Variants in TMEM30A observed in about 807,000 individuals in gnomAD.
TMEM30A encodes the protein cell cycle control protein 50A.
A neutral mutation model predicts 38.2 loss-of-function variants in TMEM30A; 24 were observed. That is an observed-to-expected ratio of 0.63 (90% CI 0.46 to 0.88). The LOEUF is 0.88. Among genes scored for constraint, TMEM30A ranks in the 40% least tolerant of loss-of-function variants. TMEM30A has a pLI of 0.00. For synonymous variants in TMEM30A, 145 were observed against 161.6 expected, an observed-to-expected ratio of 0.90 and a Z score of 0.78; for missense variants, 370 against 458.6, an observed-to-expected ratio of 0.81 and a Z score of 1.77.
In TMEM30A at chr6:75,284,477, G is replaced by T; in HGVS notation, c.162C>A (p.Phe54Leu). The change falls in exon 1 of 7, where the codon TTC (phenylalanine) becomes TTA (leucine). Residue 54 changes from phenylalanine to leucine, a missense_variant. Coordinates refer to ENST00000230461, the MANE Select transcript of TMEM30A (RefSeq NM_018247.4). ...GAATGAAGATGAGACCGATGATGAA[G>T]AAAATAGGTAGCACCGTGCCAGCCG... Reference protein sequence around the residue: ...ILTAGTVLPIFFIIGLIFIPI... With the variant: ...ILTAGTVLPILFIIGLIFIPI... The T allele has an allele frequency of 6.2e-7, 1 of 1,613,344 alleles. No homozygotes were observed. The highest frequency in any genetic ancestry group is 8.5e-7 in the Non-Finnish European group (1 of 1,179,636).
At position 75,258,897 on chromosome 6, in the gene TMEM30A, C is replaced by T. The variant is rs1193490004; in HGVS notation, c.775G>A (p.Val259Ile). 4.3e-6 allele frequency: 7 copies of T among 1,613,806 alleles called. No homozygotes were observed. Among genetic ancestry groups the T allele is most frequent in the Non-Finnish European group, 8.5e-7 (1 of 1,179,924 alleles). Residue 259 changes from valine to isoleucine, a missense_variant, in exon 6 of 7, where the codon GTT becomes ATT. By Grantham distance (29) the Val-to-Ile change is conservative. Transcript: ENST00000230461. ...GGTAATGCTGCAGTACGCATCCAAA[C>T]AATAAAATCCTCATTTATGAATCCA... ...NNGFINEDFI[V>I]WMRTAALPTF...
At chr6:75,278,048 AC>A (rs1772291480) in intron 1 of TMEM30A, among the ~76,000 whole-genome samples, 1 of 152,234 alleles carries the variant, frequency 6.6e-6, no homozygotes, top group Admixed American at 6.5e-5. Context: ...TACTCCTATA[AC>A]TTTTTTTTTA....
intron 1 of TMEM30A, among the ~76,000 whole-genome samples, chr6:75,270,687 C>T (rs866368168): frequency 1.1e-4 from 16 of 152,290 alleles, no homozygotes; most frequent in Middle Eastern, 6.8e-3. Context: ...AGGTATCACC[C>T]AGCTGATTAA....
At chr6:75,265,689 G>A (rs1285440581) in intron 2 of TMEM30A, among the ~76,000 whole-genome samples, 2 of 150,118 alleles carry the variant, frequency 1.3e-5, no homozygotes, top group African/African-American at 4.9e-5. Context: ...AGTTAGCATC[G>A]ACTTTTCACA....
chr6:75,274,655 G>A (rs554096945), intron 1 of TMEM30A, among the ~76,000 whole-genome samples: 1 of 152,198 alleles, frequency 6.6e-6, no homozygotes, highest in African/African-American at 2.4e-5. Flanking sequence ...CAGGGTTTCT[G>A]GCATGAAAAA....
chr6:75,264,349 C>T (rs1265644903), intron 3 of TMEM30A, among the ~76,000 whole-genome samples: 1 of 152,130 alleles, frequency 6.6e-6, no homozygotes, highest in Non-Finnish European at 1.5e-5. Flanking sequence ...ACATAAAATA[C>T]TTAGGGCCGG....
rs931173505 is a variant in TMEM30A at position 75,255,188 on chromosome 6, G to A, written c.*914C>T. ...CTTACCTGCAGAATAAAAACAGCCT[G>A]AGTATTTCCAAAGCTGAAGTAATTT... On this transcript the variant is annotated 3_prime_UTR_variant, in exon 7 of 7. Transcript: ENST00000230461. 1.3e-5 allele frequency: 2 copies of A among 152,522 alleles called. No homozygotes were observed. The highest frequency in any genetic ancestry group is 4.8e-5 in the African/African-American group (2 of 41,432). The allele number at this position is 152,522 out of a possible 1,614,324, so 9.4% of individuals were successfully genotyped here. A position where few individuals can be genotyped will look rare whatever the true frequency, so the allele number is the denominator to read the frequency against.
intron 6 of TMEM30A, 85 bp downstream of exon 6, chr6:75,258,695 G>A (rs981123642): frequency 7.4e-6 from 9 of 1,213,188 alleles, no homozygotes; most frequent in South Asian, 1.4e-5. Flanking sequence ...TAAAGCACAA[G>A]GTAACATGCC....
intron 3 of TMEM30A, among the ~76,000 whole-genome samples, chr6:75,263,763 A>G (rs1486208274): frequency 6.6e-6 from 1 of 152,224 alleles, no homozygotes; most frequent in African/African-American, 2.4e-5. Context: ...GCCAGATTGT[A>G]CAGGGCCTTA....
In TMEM30A at chr6:75,256,025, A is replaced by G. The variant is rs1322615276; in HGVS notation, c.*77T>C. 6 of 1,015,442 alleles carry G rather than the reference A, an allele frequency of 5.9e-6. No homozygotes were observed. The highest frequency in any genetic ancestry group is 5.3e-5 in the South Asian group (3 of 56,276). 62.9% of individuals were successfully genotyped at this position (1,015,442 alleles called of 1,614,324 possible). The stretch of plus-strand genomic sequence containing the variant: ...AACTTCAAAATGACATACTAACCAG[A>G]TATCAGCATTCGAAAGCTAGGTTGA... On this transcript the variant is annotated 3_prime_UTR_variant, in exon 7 of 7. Coordinates refer to ENST00000230461, the MANE Select transcript of TMEM30A (RefSeq NM_018247.4).
Position 75,272,242 on chromosome 6 carries a change from T to C in TMEM30A, c.238-4494A>G, listed in dbSNP as rs1358805629. Among the ~76,000 whole-genome samples the C allele has an allele frequency of 3.3e-5, 5 of 152,352 alleles. No homozygotes were observed. In the East Asian group the frequency reaches 9.6e-4, roughly 29 times the overall value. On this transcript the variant is annotated intron_variant, in intron 1 of 6. Coordinates refer to ENST00000230461, the MANE Select transcript of TMEM30A (RefSeq NM_018247.4). ...TCATCTTGGTTTAAAAATAAAACAA[T>C]AGACACTAGAAATAATAACTTCTTA... is the stretch of plus-strand genomic sequence containing the variant.
At chr6:75,276,762 G>A (rs1205083726) in intron 1 of TMEM30A, among the ~76,000 whole-genome samples, 4 of 152,124 alleles carry the variant, frequency 2.6e-5, no homozygotes, top group East Asian at 1.9e-4. Context: ...TAAACTGAGC[G>A]GAGAAGCCAA....
chr6:75,260,096 AT>A (rs1771936577), intron 4 of TMEM30A, among the ~76,000 whole-genome samples: 1 of 152,164 alleles, frequency 6.6e-6, no homozygotes, highest in Non-Finnish European at 1.5e-5. Context: ...AGTTTTAAAT[AT>A]GACTATTAGA....
intron 3 of TMEM30A, among the ~76,000 whole-genome samples, 169 bp downstream of exon 3, chr6:75,265,062 A>C (rs566919879): frequency 6.6e-6 from 1 of 151,920 alleles, no homozygotes; most frequent in African/African-American, 2.4e-5. Context: ...GTGCCACTGC[A>C]CTCCAGCCTG....
intron 6 of TMEM30A, 62 bp downstream of exon 6, chr6:75,258,718 T>G: frequency 6.9e-7 from 1 of 1,444,670 alleles, no homozygotes; most frequent in Non-Finnish European, 9.6e-7. Context: ...ATAACAGATA[T>G]AAGGTTGGAC....
At chr6:75,280,657 G>A (rs879357371) in intron 1 of TMEM30A, among the ~76,000 whole-genome samples, 5 of 151,988 alleles carry the variant, frequency 3.3e-5, no homozygotes, top group Admixed American at 1.3e-4. Flanking sequence ...ATTTACTTTC[G>A]CATTCCTTGC....
intron 6 of TMEM30A, among the ~76,000 whole-genome samples, chr6:75,257,740 C>CA (rs1325482679): frequency 2.6e-5 from 4 of 151,584 alleles, no homozygotes; most frequent in South Asian, 2.1e-4. Flanking sequence ...GAGTAGAATT[C>CA]AAAAAAAACC....
rs1469475753 is a variant in TMEM30A at position 75,284,467 on chromosome 6, CGAT to C, written c.169_171del (p.Ile57del). 1.9e-6 allele frequency: 3 copies of C among 1,613,628 alleles called. No homozygotes were observed. Among genetic ancestry groups the C allele is most frequent in the Non-Finnish European group, 2.5e-6 (3 of 1,179,870 alleles). On this transcript the variant is annotated inframe_deletion, in exon 1 of 7. Coordinates refer to ENST00000230461, the MANE Select transcript of TMEM30A (RefSeq NM_018247.4). ...ATGCCGATGGGAATGAAGATGAGAC[CGAT>C]GATGAAGAAAATAGGTAGCACCGTG...
Position 75,267,617 on chromosome 6 carries a change from A to C in TMEM30A, c.345+24T>G, listed in dbSNP as rs757349249. 3.3e-6 allele frequency: 5 copies of C among 1,531,916 alleles called. No individual in the cohort carries two copies. Among genetic ancestry groups the C allele is most frequent in the Non-Finnish European group, 4.5e-6 (5 of 1,112,576 alleles). The allele number at this position is 1,531,916 out of a possible 1,614,324, so 94.9% of individuals were successfully genotyped here. A position where few individuals can be genotyped will look rare whatever the true frequency, so the allele number is the denominator to read the frequency against. On this transcript the variant is annotated intron_variant, in intron 2 of 6. Transcript: ENST00000230461. The stretch of plus-strand genomic sequence containing the variant: ...GTATTTTTTAAAGCATGGCTTTTCT[A>C]GCACATTACTTGGAAACACAGACCT...
Sources: allele counts gnomAD v4.1 joint callset (sites outside exome capture counted in the v4.1 genomes callset), GRCh38; gene constraint gnomAD v4.1.1; transcripts MANE v1.5; gene names NCBI Gene and HGNC (gene_info 2026-07-23, HGNC 2026-07-21).